FAAP100: variants seen among roughly 807,000 people sequenced by gnomAD.
The protein encoded by FAAP100 is Fanconi anemia core complex-associated protein 100.
Under a neutral mutation model 65.8 loss-of-function variants are expected in FAAP100, and 46 were observed. The observed-to-expected ratio is 0.70, with a 90% confidence interval of 0.55 to 0.89. The LOEUF (loss-of-function observed/expected upper bound fraction) is 0.89. Ranked by LOEUF, FAAP100 falls within the 40% of genes least tolerant of loss-of-function variation. The pLI is 0.00. For synonymous variants in FAAP100, 663 were observed against 555.1 expected, an observed-to-expected ratio of 1.19 and a Z score of -2.73; for missense variants, 1,165 against 1,196.7, an observed-to-expected ratio of 0.97 and a Z score of 0.39.
upstream of FAAP100, chr17:81,552,522 AG>A (rs2033537892): frequency 2.2e-6 from 1 of 455,700 alleles, no homozygotes; most frequent in African/African-American, 2.0e-5. Flanking sequence ...CACGGGGAGC[AG>A]GGGAGCCTTC....
Position 81,540,320 on chromosome 17 carries a change from G to C in FAAP100, c.*499C>G, listed in dbSNP as rs1392840458. ...GTGGGCAGCCGGGCAGGTGTGAACAGTGTGACAAGGGTACCGTGGGGCACC... is the reference window on the plus strand; with the variant it reads ...GTGGGCAGCCGGGCAGGTGTGAACACTGTGACAAGGGTACCGTGGGGCACC... On this transcript the variant is annotated 3_prime_UTR_variant, in exon 9 of 9. Transcript: ENST00000327787. 1 of 400,170 alleles carries C rather than the reference G, an allele frequency of 2.5e-6. No individual in the cohort carries two copies. The highest frequency in any genetic ancestry group is 4.4e-6 in the Non-Finnish European group (1 of 227,010). The allele number at this position is 400,170 out of a possible 1,614,324, so 24.8% of individuals were successfully genotyped here.
intron 2 of FAAP100, chr17:81,551,590 G>T: frequency 2.1e-6 from 2 of 943,188 alleles, no homozygotes; most frequent in Non-Finnish European, 1.4e-6. Flanking sequence ...CTGACTCGGG[G>T]TCACGGTGCC....
At chr17:81,549,111 C>G in intron 4 of FAAP100, 95 bp downstream of exon 4, 4 of 1,419,984 alleles carry the variant, frequency 2.8e-6, no homozygotes, top group Middle Eastern at 1.8e-4. Flanking sequence ...CGTTGCCACC[C>G]GAGGACACTC....
At chr17:81,546,633 C>A (rs1044803489) in intron 5 of FAAP100, 12 of 371,222 alleles carry the variant, frequency 3.2e-5, no homozygotes, top group Non-Finnish European at 5.2e-5. Flanking sequence ...GAGCAGAGCT[C>A]GCTGGGCTGG....
intron 7 of FAAP100, among the ~76,000 whole-genome samples, chr17:81,541,632 G>GTTCTT (rs2033100004): frequency 6.6e-6 from 1 of 152,320 alleles, no homozygotes; most frequent in Non-Finnish European, 1.5e-5. Context: ...AACTCGTTTG[G>GTTCTT]TTCTTTTCTC....
At chr17:81,544,827 C>T (rs1354956668) in intron 6 of FAAP100, among the ~76,000 whole-genome samples, 1 of 152,226 alleles carries the variant, frequency 6.6e-6, no homozygotes, top group Non-Finnish European at 1.5e-5. Context: ...GCTGAAAGGG[C>T]TGTGTAGAGG....
chr17:81,545,634 A>G, intron 6 of FAAP100, 112 bp downstream of exon 6: 1 of 1,380,586 alleles, frequency 7.2e-7, no homozygotes, highest in Non-Finnish European at 9.7e-7. Flanking sequence ...GAAGCTTGGG[A>G]AAAGGCTGCC....
At chr17:81,551,665 G>C in intron 2 of FAAP100, 1 of 1,303,704 alleles carries the variant, frequency 7.7e-7, no homozygotes, top group Non-Finnish European at 9.7e-7. Context: ...ACAGCACCGG[G>C]CCACCAGGGC....
chr17:81,541,358 G>A lies in FAAP100; in HGVS notation c.2465C>T (p.Ala822Val). 6.2e-7 allele frequency: 1 copy of A among 1,611,808 alleles called. No homozygotes were observed. Among genetic ancestry groups the A allele is most frequent in the Non-Finnish European group, 8.5e-7 (1 of 1,179,790 alleles). The change falls in exon 8 of 9, where the codon GCT (alanine) becomes GTT (valine). Residue 822 changes from alanine to valine, a missense_variant. Ala to Val is a moderately conservative substitution (Grantham distance 64). Coordinates refer to ENST00000327787, the MANE Select transcript of FAAP100 (RefSeq NM_025161.6). ...VTEQATQGSS[A>V]PDLRVQYLRQ... is the part of the protein sequence containing the mutation. Reference sequence around the variant, plus strand: ...GAGGTACTGCACACGGAGATCAGGAGCGCTGGAGCCCTGGGTGGCCTGCTC... The same window carrying A: ...GAGGTACTGCACACGGAGATCAGGAACGCTGGAGCCCTGGGTGGCCTGCTC...
intron 6 of FAAP100, 40 bp downstream of exon 6, chr17:81,545,706 C>T (rs755470168): frequency 3.8e-6 from 6 of 1,586,490 alleles, no homozygotes; most frequent in Non-Finnish European, 5.2e-6. Context: ...ACCCCAAGAA[C>T]TGCTGGTGCC....
At chr17:81,551,751 A>AC (rs2033503422) in intron 2 of FAAP100, 177 bp downstream of exon 2, 2 of 1,365,214 alleles carry the variant, frequency 1.5e-6, no homozygotes, top group East Asian at 6.1e-5. Flanking sequence ...TGAGCAAGAC[A>AC]CTTGCAGAAA....
chr17:81,548,773 C>G (rs1179817035), intron 4 of FAAP100, among the ~76,000 whole-genome samples: 5 of 151,668 alleles, frequency 3.3e-5, no homozygotes, highest in Non-Finnish European at 7.4e-5. Flanking sequence ...GGCCCGGTGG[C>G]TGACGCCTGT....
Position 81,540,825 on chromosome 17 carries a change from C to A in FAAP100, c.2640G>T (p.Leu880=). 1 of 1,528,970 alleles carries A rather than the reference C, an allele frequency of 6.5e-7. No homozygotes were observed. The highest frequency in any genetic ancestry group is 1.2e-5 in the South Asian group (1 of 82,720). 94.7% of individuals were successfully genotyped at this position (1,528,970 alleles called of 1,614,324 possible). ...YRQLRHPSLI[L]L ...CAGGGGCAGGCCCGCCTGGTCACAGCAGGATGAGGCTGGGGTGGCGCAGCT... is the reference window on the plus strand; with the variant it reads ...CAGGGGCAGGCCCGCCTGGTCACAGAAGGATGAGGCTGGGGTGGCGCAGCT... Residue 880 remains leucine, a synonymous_variant, in exon 9 of 9, where the codon CTG becomes CTT. Transcript: ENST00000327787.
Position 81,550,794 on chromosome 17 carries a change from T to C in FAAP100, c.700A>G (p.Thr234Ala), listed in dbSNP as rs1177583227. The change falls in exon 3 of 9, where the codon ACC (threonine) becomes GCC (alanine). Residue 234 changes from threonine to alanine, a missense_variant. Physicochemically the swap from Thr to Ala is moderately conservative, Grantham distance 58 (BLOSUM62 0). Coordinates refer to ENST00000327787, the MANE Select transcript of FAAP100 (RefSeq NM_025161.6). ...LFGLLFGADA[T>A]LLQSPVVLCG... ...AGGACCACAGGTGACTGCAGGAGGG[T>C]GGCATCAGCTCCAAAGAGGAGCCCG... is the stretch of plus-strand genomic sequence containing the variant. The C allele has an allele frequency of 2.5e-6, 4 of 1,612,484 alleles. No homozygotes were observed. The highest frequency in any genetic ancestry group is 2.2e-5 in the East Asian group (1 of 44,860).
rs11552304 is a variant in FAAP100, at chr17:81,547,103, G to A, written c.1979C>T (p.Pro660Leu). ...TGGGGAGGGGGCCCGTGTGTGTGGC[G>A]GGGCCAGGCCAGGGAAGCGCAGACA... is the stretch of plus-strand genomic sequence containing the variant. ...LQCLRFPGLA[P>L]PHTRAPSPLG... The change falls in exon 5 of 9, where the codon CCG (proline) becomes CTG (leucine). Residue 660 changes from proline to leucine, a missense_variant. Physicochemically the swap from Pro to Leu is moderately conservative, Grantham distance 98. Transcript: ENST00000327787. 979,055 of 1,522,614 alleles carry A rather than the reference G, an allele frequency of 0.64. 319,114 individuals are homozygous for A. Among genetic ancestry groups the A allele is most frequent in the South Asian group, 0.69 (54,309 of 78,346 alleles). The allele number at this position is 1,522,614 out of a possible 1,614,324, so 94.3% of individuals were successfully genotyped here.
intron 6 of FAAP100, among the ~76,000 whole-genome samples, 158 bp downstream of exon 6, chr17:81,545,588 G>A (rs1159600301): frequency 2.0e-5 from 3 of 152,206 alleles, no homozygotes; most frequent in African/African-American, 4.8e-5. Flanking sequence ...GGGTCTGCTT[G>A]GTGCGAGGGG....
upstream of FAAP100, chr17:81,552,409 G>T (rs1027830390): frequency 1.6e-6 from 2 of 1,220,262 alleles, no homozygotes. Context: ...ACGGCAGCCC[G>T]CTGTGCGGCG....
chr17:81,550,512 A>G lies in FAAP100; in HGVS notation c.982T>C (p.Trp328Arg). Residue 328 changes from tryptophan (W) to arginine (R), a missense_variant, in exon 3 of 9, where the codon TGG becomes CGG. By Grantham distance (101) the Trp-to-Arg change is moderately radical (BLOSUM62 -3). Transcript: ENST00000327787. ...HGRMLAIKAS[W>R]DESGKLVPEL... ...GGCACCAGCTTCCCGGACTCATCCC[A>G]GCTGGCCTTGATGGCCAGCATCCGG... The G allele has an allele frequency of 6.2e-7, 1 of 1,612,854 alleles. No individual in the cohort carries two copies. Among genetic ancestry groups the G allele is most frequent in the Non-Finnish European group, 8.5e-7 (1 of 1,180,000 alleles).
At chr17:81,542,248 C>A (rs142146424) in intron 7 of FAAP100, among the ~76,000 whole-genome samples, 1 of 118,612 alleles carries the variant, frequency 8.4e-6, no homozygotes, top group African/African-American at 3.3e-5. Context: ...ATCAGCCAGG[C>A]GTGGTGACAG....
Sources: gnomAD v4.1 joint callset for allele counts (sites outside exome capture counted in the v4.1 genomes callset) on GRCh38, gnomAD v4.1.1 for gene constraint, MANE v1.5 for transcripts, NCBI Gene and HGNC (gene_info 2026-07-23, HGNC 2026-07-21) for gene names.